SOX6: variants seen among roughly 807,000 people sequenced by gnomAD.
SOX6 encodes transcription factor SOX-6.
In SOX6, 11 loss-of-function variants were observed where a neutral mutation model predicts 97.8. That is an observed-to-expected ratio of 0.11 (90% CI 0.07 to 0.19). The LOEUF (loss-of-function observed/expected upper bound fraction) is 0.19, where lower values mean the gene tolerates loss of function less well. SOX6 is among the 10% of genes least tolerant of loss of function. SOX6 has a pLI of 1.00. For missense variants in SOX6, 810 were observed against 1,039.5 expected, an observed-to-expected ratio of 0.78 and a Z score of 3.04; for synonymous variants, 360 against 371.4, an observed-to-expected ratio of 0.97 and a Z score of 0.35.
chr11:16,098,309 AG>A (rs199937958), intron 7 of SOX6, among the ~76,000 whole-genome samples: 1,772 of 151,956 alleles, frequency 0.012, 16 homozygotes, highest in Middle Eastern at 0.034. Context: ...GGTGGATCCT[AG>A]TACAGAATCA....
chr11:16,153,909 C>A (rs924254105), intron 6 of SOX6, among the ~76,000 whole-genome samples: 1 of 152,108 alleles, frequency 6.6e-6, no homozygotes, highest in Non-Finnish European at 1.5e-5. Context: ...GAGTACCACA[C>A]AATCTTATTA....
At position 16,586,584 on chromosome 11, in the gene SOX6, G is replaced by A. The variant is rs7941907; in HGVS notation, n.609+25497C>T. Among the ~76,000 whole-genome samples, 538 of 152,250 alleles carry A rather than the reference G, an allele frequency of 3.5e-3. 3 individuals are homozygous for A. Among genetic ancestry groups the A allele is most frequent in the African/African-American group, 0.012 (506 of 41,530 alleles). ...AAAATTTTTTGATTAGCTGGACATG[G>A]TGGTGTTCACCTACAGTCCCAGCCA... is the stretch of plus-strand genomic sequence containing the variant. On this transcript the variant is annotated intron_variant and non_coding_transcript_variant, in intron 4 of 5. Coordinates refer to the SOX6 transcript ENST00000524520.
intron 1 of SOX6, among the ~76,000 whole-genome samples, chr11:16,462,892 A>AC (rs1859959308): frequency 6.6e-6 from 1 of 152,230 alleles, no homozygotes; most frequent in African/African-American, 2.4e-5. Flanking sequence ...TTTGAGTAGG[A>AC]GAAACAGAAA....
chr11:16,282,157 C>A (rs895466644), intron 3 of SOX6, among the ~76,000 whole-genome samples: 1 of 150,872 alleles, frequency 6.6e-6, no homozygotes, highest in South Asian at 2.1e-4. Flanking sequence ...ATATTCATTT[C>A]TCAGTCAAAT....
At chr11:16,158,408 C>T (rs751227181) in intron 6 of SOX6, among the ~76,000 whole-genome samples, 1 of 152,030 alleles carries the variant, frequency 6.6e-6, no homozygotes, top group Admixed American at 6.6e-5. Flanking sequence ...AATGCAACAA[C>T]AACAATTAGT....
chr11:16,132,227 A>G (rs1849757939), intron 6 of SOX6, among the ~76,000 whole-genome samples: 1 of 143,990 alleles, frequency 6.9e-6, no homozygotes, highest in African/African-American at 2.6e-5. Context: ...CTGCTTCTCA[A>G]AAAAAAAGAA....
intron 2 of SOX6, among the ~76,000 whole-genome samples, chr11:16,733,944 A>G (rs974546115): frequency 1.3e-5 from 2 of 150,964 alleles, no homozygotes; most frequent in Non-Finnish European, 3.0e-5. Context: ...GGAGAATGGC[A>G]TGAACCTGGA....
chr11:16,668,729 T>C (rs974923276), intron 3 of SOX6, among the ~76,000 whole-genome samples: 1 of 152,048 alleles, frequency 6.6e-6, no homozygotes, highest in African/African-American at 2.4e-5. Flanking sequence ...TCCATGCCAA[T>C]AGAAACTAAA....
chr11:16,484,447 A>G lies in SOX6; in HGVS notation n.610-8059T>C. On this transcript the variant is annotated intron_variant and non_coding_transcript_variant, in intron 4 of 5. Transcript: ENST00000524520. ...GGTACATGCACCACAGCTTACTGAC[A>G]ATGAAGAGCTCCTCGCACTTCACCA... 3 of 799,012 alleles carry G rather than the reference A, an allele frequency of 3.8e-6. No homozygotes were observed. The South Asian group carries it at 4.0e-5, about 11-fold the overall frequency. 49.5% of individuals were successfully genotyped at this position (799,012 alleles called of 1,614,324 possible).
chr11:16,089,398 A>T (rs1169296334), intron 9 of SOX6, among the ~76,000 whole-genome samples: 2 of 152,122 alleles, frequency 1.3e-5, no homozygotes, highest in Non-Finnish European at 2.9e-5. Flanking sequence ...ATGATTTTTT[A>T]AAATCCACAT....
At chr11:16,420,224 G>A (rs1207866769) in intron 1 of SOX6, among the ~76,000 whole-genome samples, 2 of 152,102 alleles carry the variant, frequency 1.3e-5, no homozygotes, top group Non-Finnish European at 1.5e-5. Context: ...AAATGACTAA[G>A]ACTGATGTGC....
intron 1 of SOX6, among the ~76,000 whole-genome samples, chr11:16,413,919 A>G (rs925642918): frequency 6.6e-6 from 1 of 152,170 alleles, no homozygotes; most frequent in Admixed American, 6.5e-5. Flanking sequence ...TCCTGAAAGG[A>G]GGGTTTTATA....
intron 3 of SOX6, among the ~76,000 whole-genome samples, chr11:16,258,095 C>T (rs907049885): frequency 2.6e-5 from 4 of 151,900 alleles, no homozygotes; most frequent in Non-Finnish European, 4.4e-5. Context: ...TCAGCAGGAA[C>T]GCTCATTCAT....
chr11:16,331,524 A>G (rs1053765258), intron 2 of SOX6, among the ~76,000 whole-genome samples: 3 of 152,160 alleles, frequency 2.0e-5, no homozygotes, highest in Non-Finnish European at 4.4e-5. Flanking sequence ...AGAACCTTCA[A>G]ATTTTCTTCT....
At chr11:16,689,575 A>G (rs1847996728) in intron 3 of SOX6, among the ~76,000 whole-genome samples, 1 of 152,218 alleles carries the variant, frequency 6.6e-6, no homozygotes, top group African/African-American at 2.4e-5. Flanking sequence ...AAAGAACCAG[A>G]CACTAATGTC....
chr11:16,661,497 G>GT (rs1192593757), intron 3 of SOX6, among the ~76,000 whole-genome samples: 2 of 152,016 alleles, frequency 1.3e-5, no homozygotes, highest in Non-Finnish European at 2.9e-5. Flanking sequence ...TGCTGCACCT[G>GT]TTTTTTCTTT....
chr11:16,036,451 T>C (rs949845814), intron 12 of SOX6, among the ~76,000 whole-genome samples: 3 of 152,128 alleles, frequency 2.0e-5, no homozygotes, highest in Admixed American at 6.5e-5. Context: ...GTGTTGAATA[T>C]ATGAATTTTT....
At chr11:16,180,379 C>T (rs1460777011) in intron 6 of SOX6, among the ~76,000 whole-genome samples, 1 of 151,650 alleles carries the variant, frequency 6.6e-6, no homozygotes, top group Non-Finnish European at 1.5e-5. Flanking sequence ...TTTGAAATTA[C>T]AGCCTATGAA....
chr11:16,397,832 A>C (rs1858403468), intron 1 of SOX6, among the ~76,000 whole-genome samples: 1 of 151,492 alleles, frequency 6.6e-6, no homozygotes, highest in Non-Finnish European at 1.5e-5. Flanking sequence ...GAAGAGAAAA[A>C]CCTAACAGGC....
Sources: allele counts gnomAD v4.1 joint callset (sites outside exome capture counted in the v4.1 genomes callset), GRCh38; gene constraint gnomAD v4.1.1; transcripts MANE v1.5; gene names NCBI Gene and HGNC (gene_info 2026-07-23, HGNC 2026-07-21).